The following TXN2 variants were observed in gnomAD, a reference collection of about 807,000 sequenced individuals.
TXN2 encodes the protein thioredoxin 2.
Under a neutral mutation model 14.6 loss-of-function variants are expected in TXN2, and 12 were observed. The observed-to-expected ratio is 0.82, with a 90% CI of 0.53 to 1.33. The LOEUF is 1.33. Among genes scored for constraint, TXN2 ranks in the 40% most tolerant of loss-of-function variants. The pLI, the probability that TXN2 is intolerant of heterozygous loss-of-function variation, is 0.00. For missense variants in TXN2, 173 were observed against 207.7 expected (o/e 0.83, Z 1.03); for synonymous variants, 89 against 81.0 (o/e 1.10, Z -0.53).
In TXN2 at chr22:36,467,800, C is replaced by A; in HGVS notation, c.*4G>T. 6.2e-7 allele frequency: 1 copy of A among 1,612,660 alleles called. No individual in the cohort carries two copies. Among genetic ancestry groups the A allele is most frequent in the Non-Finnish European group, 8.5e-7 (1 of 1,179,320 alleles). On this transcript the variant is annotated 3_prime_UTR_variant, in exon 4 of 4. Transcript: ENST00000216185. ...GCAAGGGAACCAGGACTCATCCCTG[C>A]TTGTCAGCCAATCAGCTTCTTCAGG...
chr22:36,471,843 G>A (rs56721049), intron 3 of TXN2, among the ~76,000 whole-genome samples: 6,579 of 152,158 alleles, frequency 0.043, 323 homozygotes, highest in African/African-American at 0.12. Flanking sequence ...GGTGGCTCAC[G>A]CCTGTAATTC....
At chr22:36,475,326 C>T (rs1049033898) in intron 3 of TXN2, among the ~76,000 whole-genome samples, 1 of 152,156 alleles carries the variant, frequency 6.6e-6, no homozygotes, top group Non-Finnish European at 1.5e-5. Flanking sequence ...TGCAGTGAGC[C>T]GAGATTGTGC....
At position 36,473,081 on chromosome 22, in the gene TXN2, C is replaced by A. The variant is rs1048871250; in HGVS notation, c.387+3652G>T. 2.0e-5 allele frequency among the ~76,000 whole-genome samples: 3 copies of A among 151,966 alleles called. 1 individual carries two copies. The highest frequency in any genetic ancestry group is 7.3e-5 in the African/African-American group (3 of 41,352). Reference sequence around the variant, plus strand: ...CAGCACTCTGGGAGGCCGAGGTGGGCGAATCACTTGAGGTGAGGAGTTTGA... The same window carrying A: ...CAGCACTCTGGGAGGCCGAGGTGGGAGAATCACTTGAGGTGAGGAGTTTGA... On this transcript the variant is annotated intron_variant, in intron 3 of 3. Coordinates refer to ENST00000216185, the MANE Select transcript of TXN2 (RefSeq NM_012473.4).
chr22:36,476,325 G>A (rs1263975385), intron 3 of TXN2, among the ~76,000 whole-genome samples: 2 of 152,172 alleles, frequency 1.3e-5, no homozygotes, highest in Non-Finnish European at 2.9e-5. Context: ...GGGCGCAGTG[G>A]CTCATGCCTG....
Position 36,480,624 on chromosome 22 carries a change from C to T in TXN2, c.214G>A (p.Asp72Asn). 6.2e-7 allele frequency: 1 copy of T among 1,614,148 alleles called. No individual in the cohort carries two copies. Among genetic ancestry groups the T allele is most frequent in the Admixed American group, 1.7e-5 (1 of 60,030 alleles). ...GGTGTCTCACTGTTGACCACTCGGT[C>T]TTGAAAGTCAGGTCCATCCTGGATA... is the stretch of plus-strand genomic sequence containing the variant. ...FNIQDGPDFQ[D>N]RVVNSETPVV... The change falls in exon 2 of 4, where the codon GAC becomes AAC. Residue 72 changes from aspartate (D) to asparagine (N), a missense_variant. Asp to Asn is a conservative substitution (Grantham distance 23). Coordinates refer to ENST00000216185, the MANE Select transcript of TXN2 (RefSeq NM_012473.4).
At chr22:36,480,441 G>A in intron 2 of TXN2, 134 bp downstream of exon 2, 1 of 1,111,956 alleles carries the variant, frequency 9.0e-7, no homozygotes, top group South Asian at 1.7e-5. Flanking sequence ...CTTGAGGGCA[G>A]GGACTGGGCC....
In TXN2 at chr22:36,476,718, CCT is replaced by C. The variant is rs774605264; in HGVS notation, c.387+13_387+14del. The C allele has an allele frequency of 2.5e-6, 4 of 1,614,112 alleles. No homozygotes were observed. The highest frequency in any genetic ancestry group is 1.3e-5 in the African/African-American group (1 of 75,028). On this transcript the variant is annotated intron_variant, in intron 3 of 3. Transcript: ENST00000216185. ...TATACTGGCTTCCCTGTGGCAACTC[CCT>C]GTCAATCCATACCTCATACTCAATG...
Position 36,467,730 on chromosome 22 carries a change from A to G in TXN2, c.*74T>C. The G allele has an allele frequency of 1.5e-6, 2 of 1,292,550 alleles. No homozygotes were observed. Among genetic ancestry groups the G allele is most frequent in the Non-Finnish European group, 2.2e-6 (2 of 891,344 alleles). 80.1% of individuals were successfully genotyped at this position (1,292,550 alleles called of 1,614,324 possible). A position where few individuals can be genotyped will look rare whatever the true frequency, so the allele number is the denominator to read the frequency against. Reference sequence around the variant, plus strand: ...AGCCAGACAGGAGGGAGGCAGCAGGAAGGGCTGGCATGGAAGGGCTGAGTT... The same window carrying G: ...AGCCAGACAGGAGGGAGGCAGCAGGGAGGGCTGGCATGGAAGGGCTGAGTT... On this transcript the variant is annotated 3_prime_UTR_variant, in exon 4 of 4. Transcript: ENST00000216185.
intron 2 of TXN2, 120 bp from the exon 3 acceptor site, chr22:36,476,976 G>A: frequency 2.0e-6 from 3 of 1,493,034 alleles, no homozygotes; most frequent in Non-Finnish European, 2.7e-6. Flanking sequence ...TGTTTACCAT[G>A]TTTAAAAATT....
intron 3 of TXN2, among the ~76,000 whole-genome samples, chr22:36,475,235 C>T (rs980557982): frequency 2.0e-5 from 3 of 152,004 alleles, no homozygotes; most frequent in Non-Finnish European, 2.9e-5. Flanking sequence ...AAAAATTAGC[C>T]GGCGTGGTGG....
chr22:36,480,987 A>AG, intron 1 of TXN2, 150 bp from the exon 2 acceptor site: 2 of 890,502 alleles, frequency 2.2e-6, no homozygotes, highest in Non-Finnish European at 3.1e-6. Context: ...CGTGGAAGTG[A>AG]GGAAGCAATG....
intron 3 of TXN2, among the ~76,000 whole-genome samples, chr22:36,472,841 T>C (rs9622400): frequency 0.054 from 8,183 of 152,186 alleles, 330 homozygotes; most frequent in Non-Finnish European, 0.086. Context: ...AGACACGGCC[T>C]TCCAAAGAGC....
chr22:36,472,734 C>T lies in TXN2; in HGVS notation c.387+3999G>A, dbSNP rs1027500823. ...AACAGGGGAACCGAGGGCGGTGGAACGGTTCTGTATGGCGCTGGAATGGTG... is the reference window on the plus strand; with the variant it reads ...AACAGGGGAACCGAGGGCGGTGGAATGGTTCTGTATGGCGCTGGAATGGTG... On this transcript the variant is annotated intron_variant, in intron 3 of 3. Transcript: ENST00000216185. Among the ~76,000 whole-genome samples, 14 of 152,098 alleles carry T rather than the reference C, an allele frequency of 9.2e-5. 1 individual carries two copies. Among genetic ancestry groups the T allele is most frequent in the Admixed American group, 7.9e-4 (12 of 15,260 alleles).
intron 3 of TXN2, among the ~76,000 whole-genome samples, chr22:36,470,261 C>A (rs1452262527): frequency 6.6e-6 from 1 of 152,228 alleles, no homozygotes; most frequent in African/African-American, 2.4e-5. Flanking sequence ...CAGCAGGTCA[C>A]AGGACACAGT....
chr22:36,480,680 T>C lies in TXN2; in HGVS notation c.158A>G (p.Tyr53Cys). 1 of 1,614,142 alleles carries C rather than the reference T, an allele frequency of 6.2e-7. No individual in the cohort carries two copies. The highest frequency in any genetic ancestry group is 8.5e-7 in the Non-Finnish European group (1 of 1,180,042). ...GGTTGTCAAGGAGATCCTCGTGGTG[T>C]ATATTGTCCGGGCTGGGTTGGGTGT... Reference protein sequence around the residue: ...TVTPNPARTIYTTRISLTTFN... With the variant: ...TVTPNPARTICTTRISLTTFN... Residue 53 changes from tyrosine (Y) to cysteine (C), a missense_variant, in exon 2 of 4, where the codon TAC becomes TGC. By Grantham distance (194) the Tyr-to-Cys change is radical. Transcript: ENST00000216185.
chr22:36,480,475 A>T, intron 2 of TXN2, 100 bp downstream of exon 2: 1 of 1,473,492 alleles, frequency 6.8e-7, no homozygotes, highest in Non-Finnish European at 9.2e-7. Context: ...TATTGAGTCT[A>T]CATATGAGCA....
chr22:36,475,084 A>G (rs950633367), intron 3 of TXN2, among the ~76,000 whole-genome samples: 1 of 152,224 alleles, frequency 6.6e-6, no homozygotes, highest in Non-Finnish European at 1.5e-5. Flanking sequence ...CCCACCCTTT[A>G]AAAAAGAAAC....
intron 3 of TXN2, among the ~76,000 whole-genome samples, chr22:36,473,737 C>T (rs563515317): frequency 7.2e-5 from 11 of 152,220 alleles, no homozygotes; most frequent in Admixed American, 3.3e-4. Context: ...GTGGACAGGG[C>T]GGGAGCGGTG....
intron 2 of TXN2, among the ~76,000 whole-genome samples, chr22:36,477,610 G>C (rs549222558): frequency 2.0e-5 from 3 of 152,270 alleles, no homozygotes; most frequent in Admixed American, 2.0e-4. Flanking sequence ...GGAAGCTGTG[G>C]GGATATTTCA....
Sources: gnomAD v4.1 joint callset for allele counts (sites outside exome capture counted in the v4.1 genomes callset) on GRCh38, gnomAD v4.1.1 for gene constraint, MANE v1.5 for transcripts, NCBI Gene and HGNC (gene_info 2026-07-23, HGNC 2026-07-21) for gene names.